Variants in NPAS3 observed in about 807,000 individuals in gnomAD.
The protein encoded by NPAS3 is neuronal PAS domain-containing protein 3.
In NPAS3, 14 loss-of-function variants were observed where a neutral mutation model predicts 73.1. That is an observed-to-expected ratio of 0.19 (90% confidence interval 0.13 to 0.30). The LOEUF (loss-of-function observed/expected upper bound fraction) is 0.30, where lower values mean the gene tolerates loss of function less well. Among genes scored for constraint, NPAS3 ranks in the 10% least tolerant of loss-of-function variants. The pLI is 1.00. For synonymous variants in NPAS3, 620 were observed against 541.5 expected, an observed-to-expected ratio of 1.14 and a Z score of -2.01; for missense variants, 1,096 against 1,250.0, an observed-to-expected ratio of 0.88 and a Z score of 1.86.
chr14:33,063,102 T>C (rs1197521645), intron 2 of NPAS3, among the ~76,000 whole-genome samples: 2 of 152,180 alleles, frequency 1.3e-5, no homozygotes, highest in Non-Finnish European at 2.9e-5. Flanking sequence ...AGTGACTAAG[T>C]TGCTTAACTT....
intron 1 of NPAS3, among the ~76,000 whole-genome samples, chr14:32,962,072 TAAC>T (rs2036946854): frequency 1.3e-5 from 2 of 152,214 alleles, no homozygotes; most frequent in African/African-American, 2.4e-5. Flanking sequence ...GAACCTGAAT[TAAC>T]AAATATTTTG....
At position 33,293,009 on chromosome 14, in the gene NPAS3, G is replaced by A. The variant is rs368052179; in HGVS notation, c.386-74177G>A. Among the ~76,000 whole-genome samples the A allele has an allele frequency of 3.9e-5, 6 of 152,058 alleles. 1 individual carries two copies. In the East Asian group the frequency reaches 9.7e-4, roughly 25 times the overall value. ...GTCTCAGCTTGTTAAATGAGTGTTT[G>A]GATTATAATTTTCTTGCCGCTTGAT... is the stretch of plus-strand genomic sequence containing the variant. On this transcript the variant is annotated intron_variant, in intron 3 of 11. Transcript: ENST00000356141.
chr14:33,583,352 G>T (rs1161430824), intron 5 of NPAS3: 2 of 152,194 alleles, frequency 1.3e-5, no homozygotes, highest in Non-Finnish European at 2.9e-5. Flanking sequence ...CAACCTCAGA[G>T]TGAGAAGACA....
chr14:33,784,751 T>TATTTATTTTTTA lies in NPAS3; in HGVS notation c.1153+6179_1153+6180insATTTATTTTTTA, dbSNP rs199829124. ...TTTATTTATTTATTTATTTATTTTT[T>TATTTATTTTTTA]TTTTTTTTTTTTTTTTGAGACAGAG... On this transcript the variant is annotated intron_variant, in intron 9 of 11. Coordinates refer to ENST00000356141, the Ensembl canonical transcript of NPAS3. Among the ~76,000 whole-genome samples the TATTTATTTTTTA allele has an allele frequency of 7.7e-4, 88 of 114,830 alleles. 1 individual carries two copies. Among genetic ancestry groups the TATTTATTTTTTA allele is most frequent in the Admixed American group, 1.8e-3 (21 of 11,744 alleles). The allele number at this position is 114,830 out of a possible 152,430, so 75.3% of individuals were successfully genotyped here.
rs193018750 is a variant in NPAS3 at position 33,652,291 on chromosome 14, T to C, written c.559-23920T>C. On this transcript the variant is annotated intron_variant, in intron 5 of 11. Coordinates refer to ENST00000356141, the Ensembl canonical transcript of NPAS3. Reference sequence around the variant, plus strand: ...AAGAGCTTGCTGTTGCATTCTCCTCTGCTATAACCTGAGGAAACAGCACCT... The same window carrying C: ...AAGAGCTTGCTGTTGCATTCTCCTCCGCTATAACCTGAGGAAACAGCACCT... 2.3e-3 allele frequency among the ~76,000 whole-genome samples: 351 copies of C among 152,308 alleles called. 3 individuals carry two copies. The Middle Eastern group carries it at 0.024, about 10-fold the overall frequency.
chr14:33,378,114 C>T (rs2046384750), intron 4 of NPAS3, among the ~76,000 whole-genome samples: 2 of 152,176 alleles, frequency 1.3e-5, no homozygotes, highest in South Asian at 4.1e-4. Context: ...CCTCAGTTTT[C>T]TCAACCCCAA....
chr14:33,739,954 A>C (rs1481394184), intron 7 of NPAS3, among the ~76,000 whole-genome samples: 1 of 152,044 alleles, frequency 6.6e-6, no homozygotes, highest in Non-Finnish European at 1.5e-5. Context: ...CCCCACTCAA[A>C]TATCACTTAT....
At chr14:33,328,343 C>T (rs73256862) in intron 3 of NPAS3, among the ~76,000 whole-genome samples, 1,965 of 147,438 alleles carry the variant, frequency 0.013, 38 homozygotes, top group African/African-American at 0.046. Context: ...GGCTTATCTT[C>T]GTATTCTTAT....
chr14:33,171,980 G>C (rs1481078307), intron 2 of NPAS3, among the ~76,000 whole-genome samples: 1 of 152,100 alleles, frequency 6.6e-6, no homozygotes, highest in African/African-American at 2.4e-5. Flanking sequence ...TGAGGAGAGG[G>C]AGAGATGAGA....
chr14:33,442,259 G>C (rs759170190), intron 4 of NPAS3, among the ~76,000 whole-genome samples: 1 of 152,106 alleles, frequency 6.6e-6, no homozygotes, highest in Non-Finnish European at 1.5e-5. Flanking sequence ...GTGAACTAAA[G>C]TTCCAGATCT....
At chr14:33,430,557 C>T (rs2048741564) in intron 4 of NPAS3, among the ~76,000 whole-genome samples, 1 of 152,086 alleles carries the variant, frequency 6.6e-6, no homozygotes. Context: ...GGGGTGTCTG[C>T]ACTGTGACAA....
rs115384778 is a variant in NPAS3, at chr14:33,375,941, G to A, written c.468+8673G>A. Among the ~76,000 whole-genome samples the A allele has an allele frequency of 6.5e-3, 986 of 152,256 alleles. 5 individuals carry two copies. The highest frequency in any genetic ancestry group is 0.017 in the Middle Eastern group (5 of 294). ...ACCTAAGTTGCTGGGCTTTAATGAC[G>A]TAAGCATCACTCTGACCCTGGCATT... On this transcript the variant is annotated intron_variant, in intron 4 of 11. Transcript: ENST00000356141.
At chr14:33,346,527 CA>C (rs33926266) in intron 3 of NPAS3, among the ~76,000 whole-genome samples, 1,058 of 70,886 alleles carry the variant, frequency 0.015, 7 homozygotes, top group African/African-American at 0.042. Flanking sequence ...GACCCTGTCT[CA>C]AAAAAAAAAA....
chr14:32,973,693 G>A (rs1024496337), intron 1 of NPAS3, among the ~76,000 whole-genome samples: 1 of 151,728 alleles, frequency 6.6e-6, no homozygotes, highest in African/African-American at 2.4e-5. Context: ...ATGCTACCAC[G>A]CCCGGATAAT....
At chr14:33,394,866 A>G (rs1426663945) in intron 4 of NPAS3, among the ~76,000 whole-genome samples, 1 of 152,168 alleles carries the variant, frequency 6.6e-6, no homozygotes, top group Non-Finnish European at 1.5e-5. Context: ...TGCTTAACAT[A>G]TATTCCAAAG....
At chr14:33,484,997 G>T (rs2051512929) in intron 4 of NPAS3, among the ~76,000 whole-genome samples, 1 of 152,186 alleles carries the variant, frequency 6.6e-6, no homozygotes. Context: ...CTTTTAATAT[G>T]TGGATGGAAC....
chr14:33,191,117 C>G (rs547101210), intron 2 of NPAS3, among the ~76,000 whole-genome samples: 1 of 152,230 alleles, frequency 6.6e-6, no homozygotes, highest in South Asian at 2.1e-4. Context: ...TTAAGTTGAA[C>G]AGAGAACAGT....
chr14:33,740,746 G>T lies in NPAS3; in HGVS notation c.852+5414G>T, dbSNP rs118149473. 2.4e-3 allele frequency among the ~76,000 whole-genome samples: 365 copies of T among 152,330 alleles called. 3 individuals are homozygous for T. Among genetic ancestry groups the T allele is most frequent in the East Asian group, 0.014 (72 of 5,184 alleles). On this transcript the variant is annotated intron_variant, in intron 7 of 11. Transcript: ENST00000356141. ...AGATTCCATTCAGAAAATGAGAAAT[G>T]AGTCATGTTAGCATCACTTATTTAT...
chr14:33,470,963 T>C (rs1261398000), intron 4 of NPAS3, among the ~76,000 whole-genome samples: 2 of 152,118 alleles, frequency 1.3e-5, no homozygotes, highest in African/African-American at 4.8e-5. Flanking sequence ...GTTCTCTTTA[T>C]GAAGTGGATA....
Sources: allele counts gnomAD v4.1 joint callset (sites outside exome capture counted in the v4.1 genomes callset), GRCh38; gene constraint gnomAD v4.1.1; transcripts MANE v1.5; gene names NCBI Gene and HGNC (gene_info 2026-07-23, HGNC 2026-07-21).